DLGAP2: variants seen among roughly 807,000 people sequenced by gnomAD.
DLGAP2 encodes DLG associated protein 2.
A neutral mutation model predicts 100.3 loss-of-function variants in DLGAP2; 26 were observed. The ratio of observed to expected loss-of-function variants is 0.26; its 90% confidence interval spans 0.19 to 0.36. The LOEUF (loss-of-function observed/expected upper bound fraction) is 0.36, where lower values mean the gene tolerates loss of function less well. Among genes scored for constraint, DLGAP2 ranks in the 10% least tolerant of loss-of-function variants. The pLI is 1.00. For missense variants in DLGAP2, 1,858 were observed against 1,453.2 expected (o/e 1.28, Z -4.53); for synonymous variants, 886 against 630.1 (o/e 1.41, Z -6.08).
At chr8:1,372,329 A>G (rs148902251) in intron 3 of DLGAP2, among the ~76,000 whole-genome samples, 30 of 151,570 alleles carry the variant, frequency 2.0e-4, no homozygotes, top group Non-Finnish European at 2.4e-4. Flanking sequence ...TGCTGCCAAC[A>G]CTAGGACACT....
rs142882929 is a variant in DLGAP2 at position 1,092,074 on chromosome 8, G to A, written c.74-166777G>A. ...ACTCCAGCCGTGCAGCCTCTCCTGCGTGTCTCCTCTCCATGTTTTGGGGAC... is the reference window on the plus strand; with the variant it reads ...ACTCCAGCCGTGCAGCCTCTCCTGCATGTCTCCTCTCCATGTTTTGGGGAC... On this transcript the variant is annotated intron_variant, in intron 2 of 14. Transcript: ENST00000637795. 1.5e-3 allele frequency among the ~76,000 whole-genome samples: 226 copies of A among 152,224 alleles called. 1 individual carries two copies. Among genetic ancestry groups the A allele is most frequent in the African/African-American group, 5.1e-3 (211 of 41,528 alleles).
chr8:954,242 A>C (rs951167546), intron 2 of DLGAP2, among the ~76,000 whole-genome samples: 2 of 152,216 alleles, frequency 1.3e-5, no homozygotes, highest in Non-Finnish European at 2.9e-5. Context: ...AGCACATTTT[A>C]TGTGCGCAAT....
intron 2 of DLGAP2, among the ~76,000 whole-genome samples, chr8:1,116,048 C>G (rs761280764): frequency 1.3e-5 from 2 of 152,172 alleles, no homozygotes; most frequent in East Asian, 1.9e-4. Flanking sequence ...GTGACAGTCA[C>G]TTGGGAGGAC....
At chr8:806,671 G>T (rs59538097) in intron 1 of DLGAP2, among the ~76,000 whole-genome samples, 41 of 152,090 alleles carry the variant, frequency 2.7e-4, no homozygotes, top group African/African-American at 9.9e-4. Flanking sequence ...TTCCTTTCTC[G>T]TGGGAACTTT....
chr8:855,975 C>T lies in DLGAP2; in HGVS notation c.19-51937C>T, dbSNP rs192744081. 1.9e-3 allele frequency among the ~76,000 whole-genome samples: 288 copies of T among 152,118 alleles called. 1 individual carries two copies. Among genetic ancestry groups the T allele is most frequent in the Middle Eastern group, 3.4e-3 (1 of 292 alleles). On this transcript the variant is annotated intron_variant, in intron 1 of 14. Coordinates refer to ENST00000637795, the MANE Select transcript of DLGAP2 (RefSeq NM_001346810.2). ...AAATGATGAGAAATTTGGAGCATCCCGCAGAGATCAGAAATGAGGAAGCGT... is the reference window on the plus strand; with the variant it reads ...AAATGATGAGAAATTTGGAGCATCCTGCAGAGATCAGAAATGAGGAAGCGT...
chr8:1,481,219 T>G (rs934714473), intron 3 of DLGAP2, among the ~76,000 whole-genome samples: 3 of 151,768 alleles, frequency 2.0e-5, no homozygotes, highest in Non-Finnish European at 4.4e-5. Flanking sequence ...GAAAGAAGGT[T>G]GAAGGAGGCA....
At chr8:1,566,092 T>C (rs2130577407) in intron 6 of DLGAP2, among the ~76,000 whole-genome samples, 198 bp downstream of exon 6, 1 of 152,374 alleles carries the variant, frequency 6.6e-6, no homozygotes, top group Middle Eastern at 3.4e-3. Flanking sequence ...ATCAATTACA[T>C]AATAATTAAG....
intron 2 of DLGAP2, among the ~76,000 whole-genome samples, chr8:951,625 G>C (rs995922951): frequency 7.2e-5 from 11 of 152,172 alleles, no homozygotes; most frequent in Non-Finnish European, 1.6e-4. Context: ...GCTTTTCCTA[G>C]TTCATGCTCA....
At chr8:1,221,000 G>T (rs1194281117) in intron 2 of DLGAP2, among the ~76,000 whole-genome samples, 1 of 152,176 alleles carries the variant, frequency 6.6e-6, no homozygotes, top group Non-Finnish European at 1.5e-5. Flanking sequence ...GTCTTCACAT[G>T]TGAGATGAGT....
At chr8:1,380,679 G>A (rs1226586217) in intron 3 of DLGAP2, among the ~76,000 whole-genome samples, 1 of 152,096 alleles carries the variant, frequency 6.6e-6, no homozygotes, top group Non-Finnish European at 1.5e-5. Context: ...GTTCACTGGG[G>A]ACTCTCTGTA....
At chr8:767,545 C>G (rs1033580962) in intron 1 of DLGAP2, among the ~76,000 whole-genome samples, 1 of 151,834 alleles carries the variant, frequency 6.6e-6, no homozygotes, top group Non-Finnish European at 1.5e-5. Context: ...TTAGTAGAGA[C>G]GGGGTTTCAC....
intron 1 of DLGAP2, among the ~76,000 whole-genome samples, chr8:764,270 T>TG (rs1821155255): frequency 2.0e-5 from 3 of 152,180 alleles, no homozygotes; most frequent in Admixed American, 2.0e-4. Flanking sequence ...TGAGGAAGTG[T>TG]GGGGTACAAC....
intron 5 of DLGAP2, among the ~76,000 whole-genome samples, chr8:1,565,170 C>T (rs1802346643): frequency 6.6e-6 from 1 of 152,166 alleles, no homozygotes; most frequent in Admixed American, 6.5e-5. Context: ...TGGGCAAGAT[C>T]CTTTTGCAAC....
intron 1 of DLGAP2, among the ~76,000 whole-genome samples, chr8:759,348 T>C (rs1821017413): frequency 6.6e-6 from 1 of 151,118 alleles, no homozygotes; most frequent in African/African-American, 2.4e-5. Flanking sequence ...CCACAGTGGA[T>C]GGACCCACAC....
rs569968717 is a variant in DLGAP2 at position 870,682 on chromosome 8, C to T, written c.19-37230C>T. On this transcript the variant is annotated intron_variant, in intron 1 of 14. Transcript: ENST00000637795. ...ACTATTATCCAGCTTTTGGATCTGC[C>T]GCTTCTTGGTGAGAGATTTCCAGAA... 2.4e-3 allele frequency among the ~76,000 whole-genome samples: 369 copies of T among 152,244 alleles called. 1 individual carries two copies. The highest frequency in any genetic ancestry group is 8.5e-3 in the African/African-American group (355 of 41,542).
rs559141955 is a variant in DLGAP2 at position 1,626,028 on chromosome 8, G to A, written c.1443-712G>A. ...TGTTCCCATCTCTACCCTGTGGCGG[G>A]TGCTCAGCCTCTGGGTGTGGGTTGG... On this transcript the variant is annotated intron_variant, in intron 6 of 14. Transcript: ENST00000637795. 9.3e-5 allele frequency among the ~76,000 whole-genome samples: 13 copies of A among 140,014 alleles called. No individual in the cohort carries two copies. The East Asian group carries it at 2.7e-3, about 29-fold the overall frequency. 91.9% of individuals were successfully genotyped at this position (140,014 alleles called of 152,430 possible).
chr8:1,443,500 C>G (rs981520011), intron 3 of DLGAP2, among the ~76,000 whole-genome samples: 11 of 152,150 alleles, frequency 7.2e-5, no homozygotes, highest in African/African-American at 2.7e-4. Context: ...AGAGGGGTGG[C>G]GTGGTGTATT....
At chr8:1,309,798 G>T (rs1409394982) in intron 3 of DLGAP2, among the ~76,000 whole-genome samples, 1 of 152,228 alleles carries the variant, frequency 6.6e-6, no homozygotes, top group East Asian at 1.9e-4. Flanking sequence ...ATGTGTAAAG[G>T]TGAAACCTGT....
chr8:1,045,216 C>G (rs1802482992), intron 2 of DLGAP2, among the ~76,000 whole-genome samples: 1 of 152,188 alleles, frequency 6.6e-6, no homozygotes, highest in Admixed American at 6.5e-5. Flanking sequence ...TTCTCTGCAT[C>G]TTAGCTTCCC....
Sources: allele counts gnomAD v4.1 joint callset (sites outside exome capture counted in the v4.1 genomes callset), GRCh38; gene constraint gnomAD v4.1.1; transcripts MANE v1.5; gene names NCBI Gene and HGNC (gene_info 2026-07-23, HGNC 2026-07-21).